ATP2C2: variants seen among roughly 807,000 people sequenced by gnomAD.
The protein encoded by ATP2C2 is calcium-transporting ATPase type 2C member 2.
ATP2C2 carries 171 observed loss-of-function variants against 110.8 expected under a neutral mutation model. That is an observed-to-expected ratio of 1.54 (90% CI 1.36 to 1.75). The LOEUF is 1.75. ATP2C2 is among the 40% of genes most tolerant of loss of function. The probability of loss-of-function intolerance (pLI) is 0.00; values close to 1 mark genes in which losing one functional copy is unlikely to be tolerated. For missense variants in ATP2C2, 1,963 were observed against 1,235.0 expected, an observed-to-expected ratio of 1.59 and a Z score of -8.84; for synonymous variants, 804 against 508.4, an observed-to-expected ratio of 1.58 and a Z score of -7.82.
intron 7 of ATP2C2, among the ~76,000 whole-genome samples, chr16:84,417,436 C>G (rs533317788): frequency 6.6e-6 from 1 of 152,224 alleles, no homozygotes; most frequent in African/African-American, 2.4e-5. Flanking sequence ...CCATGCTGTG[C>G]TTAGCACATG....
Position 84,421,052 on chromosome 16 carries a change from T to G in ATP2C2, c.625-1338T>G, listed in dbSNP as rs137905688. On this transcript the variant is annotated intron_variant, in intron 7 of 26. Coordinates refer to ENST00000262429, the MANE Select transcript of ATP2C2 (RefSeq NM_014861.4). ...AACTCCTGACTTCAAGTGATCTGCC[T>G]GCCTCGGCCTCCCAAAGTGCTGGGA... Among the ~76,000 whole-genome samples, 792 of 152,294 alleles carry G rather than the reference T, an allele frequency of 5.2e-3. 9 individuals are homozygous for G. Among genetic ancestry groups the G allele is most frequent in the African/African-American group, 0.018 (744 of 41,564 alleles).
At chr16:84,443,870 A>G (rs1011135398) in intron 15 of ATP2C2, among the ~76,000 whole-genome samples, 31 of 152,168 alleles carry the variant, frequency 2.0e-4, no homozygotes, top group African/African-American at 7.5e-4. Flanking sequence ...CCCCAGTGTA[A>G]GAACATTGGA....
rs368761870 is a variant in ATP2C2 at position 84,415,562 on chromosome 16, C to T, written c.595C>T (p.Arg199Trp). 1.3e-5 allele frequency: 21 copies of T among 1,613,852 alleles called. No homozygotes were observed. Among genetic ancestry groups the T allele is most frequent in the African/African-American group, 9.3e-5 (7 of 74,886 alleles). Residue 199 changes from arginine to tryptophan, a missense_variant, in exon 7 of 27, where the codon CGG becomes TGG. Transcript: ENST00000262429. ...TGTCGTATCTCTCTCGATCGGAGACCGGATCCCTGCAGACATCCGACTCAC... is the reference window on the plus strand; with the variant it reads ...TGTCGTATCTCTCTCGATCGGAGACTGGATCCCTGCAGACATCCGACTCAC... ...GDVVSLSIGDRIPADIRLTEV... is the reference protein window; with the variant it reads ...GDVVSLSIGDWIPADIRLTEV...
rs1320018780 is a variant in ATP2C2 at position 84,444,181 on chromosome 16, AAAAC to A, written c.1401+1586_1401+1589del. Among the ~76,000 whole-genome samples, 9 of 148,640 alleles carry A rather than the reference AAAAC, an allele frequency of 6.1e-5. 1 individual carries two copies. Among genetic ancestry groups the A allele is most frequent in the Non-Finnish European group, 1.0e-4 (7 of 67,360 alleles). Reference sequence around the variant, plus strand: ...CTGCCTCAAAAAAAAAAAAAAAAAAAAAACAAAAAGATTGGGCACAGTGGCTCAC... The same window carrying A: ...CTGCCTCAAAAAAAAAAAAAAAAAAAAAAAAGATTGGGCACAGTGGCTCAC... On this transcript the variant is annotated intron_variant, in intron 15 of 26. Coordinates refer to ENST00000262429, the MANE Select transcript of ATP2C2 (RefSeq NM_014861.4).
chr16:84,441,045 C>A, intron 14 of ATP2C2, 87 bp downstream of exon 14: 4 of 1,153,008 alleles, frequency 3.5e-6, no homozygotes, highest in East Asian at 2.4e-5. Flanking sequence ...AGCCATTGAA[C>A]CTACTGGTTC....
At chr16:84,427,167 T>C (rs571871120) in intron 11 of ATP2C2, among the ~76,000 whole-genome samples, 2 of 152,298 alleles carry the variant, frequency 1.3e-5, no homozygotes, top group Non-Finnish European at 1.5e-5. Context: ...TTAGGTGATG[T>C]GTGGAAAATC....
Position 84,463,652 on chromosome 16 carries a change from A to G in ATP2C2, c.2761A>G (p.Ile921Val), listed in dbSNP as rs559046159. 9.3e-6 allele frequency: 15 copies of G among 1,614,120 alleles called. No individual in the cohort carries two copies. In the African/African-American group the frequency reaches 1.6e-4, roughly 17 times the overall value. The change falls in exon 27 of 27, where the codon ATT (isoleucine) becomes GTT (valine). Residue 921 changes from isoleucine to valine, a missense_variant. Coordinates refer to ENST00000262429, the MANE Select transcript of ATP2C2 (RefSeq NM_014861.4). ...AACTGGATTGGCCTCATCCGTCTTC[A>G]TTTTGTCAGAGCTCCTCAAACTATG... is the stretch of plus-strand genomic sequence containing the variant. ...FLTGLASSVF[I>V]LSELLKLCEK...
chr16:84,460,909 A>G, intron 24 of ATP2C2, 108 bp downstream of exon 24: 10 of 1,397,332 alleles, frequency 7.2e-6, no homozygotes, highest in Non-Finnish European at 9.7e-6. Flanking sequence ...AGAGGCAAAC[A>G]TGTACACACA....
At position 84,439,356 on chromosome 16, in the gene ATP2C2, A is replaced by G. The variant is rs553122232; in HGVS notation, c.1111+66A>G. The G allele has an allele frequency of 3.8e-4, 621 of 1,613,136 alleles. 9 individuals are homozygous for G. The South Asian group carries it at 3.9e-3, about 10-fold the overall frequency. ...GAATGGGGGCTTGGCTGTCAGGGCA[A>G]TCCAGCCTGGGGGTTTCACAAGCCT... On this transcript the variant is annotated intron_variant, in intron 12 of 26. Transcript: ENST00000262429.
At chr16:84,459,492 C>A in intron 23 of ATP2C2, 106 bp downstream of exon 23, 1 of 1,589,272 alleles carries the variant, frequency 6.3e-7, no homozygotes, top group Non-Finnish European at 8.6e-7. Flanking sequence ...ACAAATACAG[C>A]CACTTTCCAT....
At chr16:84,405,583 A>G (rs1761471232) in intron 3 of ATP2C2, among the ~76,000 whole-genome samples, 1 of 152,294 alleles carries the variant, frequency 6.6e-6, no homozygotes, top group African/African-American at 2.4e-5. Context: ...ATTTCCCCAG[A>G]GTTGCCAGGT....
At position 84,463,499 on chromosome 16, in the gene ATP2C2, G is replaced by A. The variant is rs912393496; in HGVS notation, c.2723-115G>A. 1.2e-5 allele frequency: 10 copies of A among 846,062 alleles called. No individual in the cohort carries two copies. In the South Asian group the frequency reaches 1.4e-4, roughly 11 times the overall value. 52.4% of individuals were successfully genotyped at this position (846,062 alleles called of 1,614,324 possible). ...CTCCCTGCCTTCAGGGGAATGAAAA[G>A]GGCTGGTCCTCCGCACCTCTCACTT... On this transcript the variant is annotated intron_variant, in intron 26 of 26. Coordinates refer to ENST00000262429, the MANE Select transcript of ATP2C2 (RefSeq NM_014861.4).
chr16:84,463,684 A>T lies in ATP2C2; in HGVS notation c.2793A>T (p.Lys931Asn), dbSNP rs768216993. The T allele has an allele frequency of 6.2e-7, 1 of 1,614,194 alleles. No individual in the cohort carries two copies. The highest frequency in any genetic ancestry group is 8.5e-7 in the Non-Finnish European group (1 of 1,180,016). ...ILSELLKLCE[K>N]YCCSPKRVQM... ...CAGAGCTCCTCAAACTATGTGAAAAATACTGTTGCAGCCCCAAGAGAGTCC... is the reference window on the plus strand; with the variant it reads ...CAGAGCTCCTCAAACTATGTGAAAATTACTGTTGCAGCCCCAAGAGAGTCC... Residue 931 changes from lysine to asparagine, a missense_variant, in exon 27 of 27, where the codon AAA becomes AAT. Physicochemically the swap from Lys to Asn is moderately conservative, Grantham distance 94 (BLOSUM62 0). Transcript: ENST00000262429.
chr16:84,384,450 A>G (rs1597736884), intron 1 of ATP2C2, among the ~76,000 whole-genome samples: 1 of 152,192 alleles, frequency 6.6e-6, no homozygotes, highest in East Asian at 1.9e-4. Flanking sequence ...CCTCCTTAGT[A>G]CATGGTATTG....
At chr16:84,448,382 C>G (rs1024413364) in intron 16 of ATP2C2, 151 bp from the exon 17 acceptor site, 12 of 976,406 alleles carry the variant, frequency 1.2e-5, no homozygotes, top group Non-Finnish European at 1.7e-5. Context: ...CGAACCTGTC[C>G]AGCACCTGTG....
chr16:84,437,656 C>T (rs1908865355), intron 11 of ATP2C2, among the ~76,000 whole-genome samples: 1 of 152,216 alleles, frequency 6.6e-6, no homozygotes, highest in South Asian at 2.1e-4. Flanking sequence ...CCTGGGATTA[C>T]AGGTGCATGC....
Position 84,452,088 on chromosome 16 carries a change from A to G in ATP2C2, c.1828A>G (p.Ile610Val), listed in dbSNP as rs1375398190. The change falls in exon 18 of 27, where the codon ATA (isoleucine) becomes GTA (valine). Residue 610 changes from isoleucine (I) to valine (V), a missense_variant. Transcript: ENST00000262429. ...GGATGCCCTGGAGACGGCCTTGGCC[A>G]TAGGTAACTGGGACAGGGTCGGGGG... ...TGDALETALAIGRNIGLCNGK... is the reference protein window; with the variant it reads ...TGDALETALAVGRNIGLCNGK... 3.1e-6 allele frequency: 5 copies of G among 1,614,008 alleles called. No homozygotes were observed. The highest frequency in any genetic ancestry group is 3.4e-6 in the Non-Finnish European group (4 of 1,179,978).
intron 11 of ATP2C2, among the ~76,000 whole-genome samples, chr16:84,428,515 A>C (rs1453480728): frequency 6.6e-6 from 1 of 152,222 alleles, no homozygotes; most frequent in African/African-American, 2.4e-5. Context: ...TTAACAAACA[A>C]AATCTTAGTA....
chr16:84,448,246 A>G (rs1909938544), intron 16 of ATP2C2, among the ~76,000 whole-genome samples: 2 of 151,410 alleles, frequency 1.3e-5, no homozygotes, highest in Non-Finnish European at 2.9e-5. Flanking sequence ...TGCATGAAAC[A>G]TACAAGACGC....
Sources: allele counts gnomAD v4.1 joint callset (sites outside exome capture counted in the v4.1 genomes callset), GRCh38; gene constraint gnomAD v4.1.1; transcripts MANE v1.5; gene names NCBI Gene and HGNC (gene_info 2026-07-23, HGNC 2026-07-21).